COLEC12: variants seen among roughly 807,000 people sequenced by gnomAD.
COLEC12 encodes collectin-12.
In COLEC12, 33 loss-of-function variants were observed where a neutral mutation model predicts 71.1. The observed-to-expected ratio is 0.46, with a 90% confidence interval of 0.35 to 0.62. The LOEUF (loss-of-function observed/expected upper bound fraction) is 0.62. COLEC12 is among the 20% of genes least tolerant of loss of function. The probability of loss-of-function intolerance (pLI) is 0.00; values close to 1 mark genes in which losing one functional copy is unlikely to be tolerated. For synonymous variants in COLEC12, 350 were observed against 353.0 expected, an observed-to-expected ratio of 0.99 and a Z score of 0.10; for missense variants, 765 against 916.1, an observed-to-expected ratio of 0.84 and a Z score of 2.13.
chr18:379,296 TTTTTA>T (rs1225916734), intron 2 of COLEC12, among the ~76,000 whole-genome samples: 1 of 151,934 alleles, frequency 6.6e-6, no homozygotes, highest in Non-Finnish European at 1.5e-5. Flanking sequence ...CTAATTTATT[TTTTTA>T]TTTTTTGTAC....
intron 5 of COLEC12, among the ~76,000 whole-genome samples, chr18:338,549 C>T (rs1914170448): frequency 6.6e-6 from 1 of 152,176 alleles, no homozygotes; most frequent in Non-Finnish European, 1.5e-5. Flanking sequence ...AGTGGGTCTC[C>T]ACATCCACAG....
chr18:434,828 C>A (rs567251972), intron 2 of COLEC12, among the ~76,000 whole-genome samples: 2 of 152,246 alleles, frequency 1.3e-5, no homozygotes, highest in South Asian at 2.1e-4. Context: ...TCCCAATGCA[C>A]CCCTCTGATT....
Position 347,090 on chromosome 18 carries a change from C to T in COLEC12, c.532G>A (p.Val178Ile). Reference protein sequence around the residue: ...NKTLQAYNGYVTNLQQDTSVL... With the variant: ...NKTLQAYNGYITNLQQDTSVL... ...CTGGTATCTTGCTGCAGATTCGTGA[C>T]ATAGCCATTATACGCCTGGAGGGTT... Residue 178 changes from valine to isoleucine, a missense_variant, in exon 5 of 10, where the codon GTC becomes ATC. Val to Ile is a conservative substitution (Grantham distance 29). Transcript: ENST00000400256. The T allele has an allele frequency of 1.2e-6, 2 of 1,614,200 alleles. No homozygotes were observed. The highest frequency in any genetic ancestry group is 1.7e-6 in the Non-Finnish European group (2 of 1,180,038).
At position 330,873 on chromosome 18, in the gene COLEC12, G is replaced by GTTTT. The variant is rs60146586; in HGVS notation, c.2063+791_2063+794dup. Among the ~76,000 whole-genome samples the GTTTT allele has an allele frequency of 2.4e-4, 32 of 133,764 alleles. 1 individual carries two copies. Among genetic ancestry groups the GTTTT allele is most frequent in the Non-Finnish European group, 2.9e-4 (19 of 64,984 alleles). 87.8% of individuals were successfully genotyped at this position (133,764 alleles called of 152,430 possible). On this transcript the variant is annotated intron_variant, in intron 8 of 9. Coordinates refer to ENST00000400256, the MANE Select transcript of COLEC12 (RefSeq NM_130386.3). ...TGAGTAGGAAAATCACACATTTGTA[G>GTTTT]TTTTTTTTTTTTTTTTTCTTTTTTG...
chr18:357,092 G>GA lies in COLEC12; in HGVS notation c.181+307dup, dbSNP rs1310640044. Reference sequence around the variant, plus strand: ...AAAGCCTCCAAGAGATAGGACGAAAGAAAAAAAAATAGAGGAAGAAGGAGT... The same window carrying GA: ...AAAGCCTCCAAGAGATAGGACGAAAGAAAAAAAAAATAGAGGAAGAAGGAGT... On this transcript the variant is annotated intron_variant, in intron 3 of 9. Coordinates refer to ENST00000400256, the MANE Select transcript of COLEC12 (RefSeq NM_130386.3). 9.5e-5 allele frequency among the ~76,000 whole-genome samples: 14 copies of GA among 147,430 alleles called. No homozygotes were observed. The South Asian group carries it at 1.1e-3, about 11-fold the overall frequency.
chr18:417,847 G>C (rs1317065788), intron 2 of COLEC12, among the ~76,000 whole-genome samples: 1 of 152,170 alleles, frequency 6.6e-6, no homozygotes, highest in Middle Eastern at 3.2e-3. Context: ...CACAATTAGA[G>C]AGTGTTCCCC....
intron 2 of COLEC12, among the ~76,000 whole-genome samples, chr18:395,597 G>A (rs1488889364): frequency 6.6e-6 from 1 of 152,164 alleles, no homozygotes; most frequent in Non-Finnish European, 1.5e-5. Flanking sequence ...ACTGTACTTG[G>A]GGAAATTACT....
chr18:443,827 C>T (rs1324415969), intron 2 of COLEC12, among the ~76,000 whole-genome samples: 2 of 152,102 alleles, frequency 1.3e-5, no homozygotes, highest in Non-Finnish European at 1.5e-5. Context: ...CTCTGAATGA[C>T]TTGGTGTTAT....
chr18:491,966 C>G (rs116468546), intron 1 of COLEC12, among the ~76,000 whole-genome samples: 1 of 152,074 alleles, frequency 6.6e-6, no homozygotes, highest in Non-Finnish European at 1.5e-5. Context: ...ATGTATTCTC[C>G]TGGTGAATGA....
intron 5 of COLEC12, among the ~76,000 whole-genome samples, chr18:343,744 C>T (rs1395706057): frequency 6.6e-6 from 1 of 150,402 alleles, no homozygotes; most frequent in Non-Finnish European, 1.5e-5. Context: ...CACTGAGCTA[C>T]TTTTTACTTG....
chr18:382,618 G>A (rs906491219), intron 2 of COLEC12, among the ~76,000 whole-genome samples: 2 of 152,078 alleles, frequency 1.3e-5, no homozygotes, highest in East Asian at 1.9e-4. Flanking sequence ...TAATCCCCCC[G>A]AGCCCTGGTT....
intron 2 of COLEC12, among the ~76,000 whole-genome samples, chr18:368,799 G>A (rs1336078926): frequency 1.3e-5 from 2 of 152,214 alleles, no homozygotes; most frequent in Admixed American, 6.5e-5. Context: ...CCGGGAGGCG[G>A]AGCTTGCAGT....
intron 7 of COLEC12, among the ~76,000 whole-genome samples, chr18:332,782 C>T (rs1914013198): frequency 6.6e-6 from 1 of 152,200 alleles, no homozygotes; most frequent in South Asian, 2.1e-4. Context: ...CACACATCTC[C>T]AGGCTTGATA....
chr18:458,910 T>C (rs1258059271), intron 2 of COLEC12, among the ~76,000 whole-genome samples: 2 of 152,222 alleles, frequency 1.3e-5, no homozygotes, highest in African/African-American at 2.4e-5. Flanking sequence ...TCATGGTTCA[T>C]TGCAGCCTTG....
At chr18:497,834 T>A (rs772042958) in intron 1 of COLEC12, among the ~76,000 whole-genome samples, 1 of 152,226 alleles carries the variant, frequency 6.6e-6, no homozygotes, top group Non-Finnish European at 1.5e-5. Context: ...AAATCTTTAG[T>A]TGGTTCCCTA....
At chr18:443,962 C>T (rs926587035) in intron 2 of COLEC12, among the ~76,000 whole-genome samples, 3 of 152,196 alleles carry the variant, frequency 2.0e-5, no homozygotes, top group African/African-American at 7.2e-5. Flanking sequence ...ACTCTCCCTT[C>T]ACCTTCTGCC....
chr18:405,206 T>C (rs1241992563), intron 2 of COLEC12, among the ~76,000 whole-genome samples: 3 of 152,216 alleles, frequency 2.0e-5, no homozygotes, highest in African/African-American at 2.4e-5. Flanking sequence ...CCGCTGAACA[T>C]AGACCCTTAT....
intron 2 of COLEC12, among the ~76,000 whole-genome samples, chr18:426,928 T>A (rs772345351): frequency 3.4e-4 from 51 of 152,224 alleles, no homozygotes; most frequent in Non-Finnish European, 6.5e-4. Flanking sequence ...CTATTTATTT[T>A]CCCTAAGGGT....
intron 2 of COLEC12, among the ~76,000 whole-genome samples, chr18:439,840 G>A (rs896692479): frequency 6.6e-6 from 1 of 152,148 alleles, no homozygotes; most frequent in African/African-American, 2.4e-5. Flanking sequence ...TCACTTCTGG[G>A]TATATATCCA....
Sources: gnomAD v4.1 joint callset for allele counts (sites outside exome capture counted in the v4.1 genomes callset) on GRCh38, gnomAD v4.1.1 for gene constraint, MANE v1.5 for transcripts, NCBI Gene and HGNC (gene_info 2026-07-23, HGNC 2026-07-21) for gene names.